The following KLF13 variants were observed in gnomAD, a reference collection of about 807,000 sequenced individuals.
The protein encoded by KLF13 is KLF transcription factor 13.
Under a neutral mutation model 16.7 loss-of-function variants are expected in KLF13, and 8 were observed. The observed-to-expected ratio is 0.48, with a 90% CI of 0.28 to 0.87. The LOEUF is 0.87. Among genes scored for constraint, KLF13 ranks in the 40% least tolerant of loss-of-function variants. KLF13 has a pLI of 0.10. For missense variants in KLF13, 447 were observed against 452.2 expected, an observed-to-expected ratio of 0.99 and a Z score of 0.10; for synonymous variants, 245 against 208.4, an observed-to-expected ratio of 1.18 and a Z score of -1.51.
intron 1 of KLF13, among the ~76,000 whole-genome samples, chr15:31,410,245 TATAAATA>T (rs755272242): frequency 6.6e-6 from 1 of 151,796 alleles, no homozygotes; most frequent in Non-Finnish European, 1.5e-5. Context: ...AAAGAAGAGT[TATAAATA>T]ATAAGGCAAT....
exon 3 of KLF13, chr15:31,403,801 A>G (rs991946443): frequency 6.6e-6 from 1 of 152,204 alleles, no homozygotes. Context: ...ACCCATAGTC[A>G]GAGATAGTCC....
intron 1 of KLF13, among the ~76,000 whole-genome samples, chr15:31,349,502 C>G (rs115396514): frequency 7.0e-4 from 107 of 152,356 alleles, no homozygotes; most frequent in African/African-American, 2.5e-3. Flanking sequence ...TGCACTGACC[C>G]TTAACATGAG....
chr15:31,418,738 C>T (rs533607029), intron 1 of KLF13, among the ~76,000 whole-genome samples: 1 of 152,218 alleles, frequency 6.6e-6, no homozygotes, highest in East Asian at 1.9e-4. Flanking sequence ...GCTACCATGG[C>T]TTTCCTAGCA....
intron 2 of KLF13, among the ~76,000 whole-genome samples, chr15:31,401,427 G>A (rs1382960392): frequency 6.6e-6 from 1 of 152,206 alleles, no homozygotes; most frequent in Non-Finnish European, 1.5e-5. Context: ...CTTGAGTCAG[G>A]GCAAGGCACG....
chr15:31,399,899 C>T (rs1289025349), intron 2 of KLF13, among the ~76,000 whole-genome samples: 3 of 152,260 alleles, frequency 2.0e-5, no homozygotes, highest in African/African-American at 4.8e-5. Flanking sequence ...ACCTTGGTGC[C>T]TTTTGCTTTC....
intron 1 of KLF13, among the ~76,000 whole-genome samples, chr15:31,363,075 A>G (rs369247081): frequency 4.6e-5 from 7 of 152,320 alleles, no homozygotes; most frequent in Non-Finnish European, 8.8e-5. Context: ...AAGGGTGTGC[A>G]CATTTCTAAT....
chr15:31,405,041 G>C (rs1330357459), downstream of KLF13, among the ~76,000 whole-genome samples: 4 of 152,222 alleles, frequency 2.6e-5, no homozygotes, highest in East Asian at 1.9e-4. Context: ...ATGGAACCAT[G>C]TGCCCCTGAA....
intron 1 of KLF13, among the ~76,000 whole-genome samples, chr15:31,329,011 G>A (rs564575236): frequency 2.6e-5 from 4 of 152,262 alleles, no homozygotes; most frequent in African/African-American, 9.6e-5. Context: ...ATACCCTAGA[G>A]CTGAAGGCCC....
rs527477336 is a variant in KLF13, at chr15:31,358,094, G to A, written c.578-13916G>A. The stretch of plus-strand genomic sequence containing the variant: ...GAGATGAGGGTAAGGTAAGCACTAG[G>A]TAGGGGGCGGCTGAGAGTTGTCCAG... On this transcript the variant is annotated intron_variant, in intron 1 of 1. Transcript: ENST00000307145. 7.2e-5 allele frequency among the ~76,000 whole-genome samples: 11 copies of A among 152,290 alleles called. No individual in the cohort carries two copies. The South Asian group carries it at 2.3e-3, about 32-fold the overall frequency.
chr15:31,401,264 T>C (rs1477282600), intron 2 of KLF13, among the ~76,000 whole-genome samples: 1 of 152,214 alleles, frequency 6.6e-6, no homozygotes, highest in Admixed American at 6.5e-5. Context: ...CCTCCCAAAG[T>C]GCTGGGCCTA....
intron 1 of KLF13, among the ~76,000 whole-genome samples, chr15:31,370,137 AT>A (rs998714681): frequency 2.5e-5 from 3 of 119,012 alleles, no homozygotes; most frequent in African/African-American, 1.0e-4. Flanking sequence ...TTCTCACTTG[AT>A]TGTAATTGTC....
Position 31,372,041 on chromosome 15 carries a change from C to T in KLF13, c.609C>T (p.Asp203=), listed in dbSNP as rs2039562334. ...GGCCCTTCGCCTGCAGCTGGCAGGA[C>T]TGCAACAAGAAGTTCGCGCGCTCCG... ...GERPFACSWQ[D]CNKKFARSDE... The change falls in exon 2 of 2, where the codon GAC becomes GAT. Residue 203 remains aspartate, a synonymous_variant. Coordinates refer to ENST00000307145, the MANE Select transcript of KLF13 (RefSeq NM_015995.4). 1 of 1,610,560 alleles carries T rather than the reference C, an allele frequency of 6.2e-7. No individual in the cohort carries two copies. The highest frequency in any genetic ancestry group is 2.2e-5 in the East Asian group (1 of 44,812).
chr15:31,423,098 TAC>T (rs1415234295), intron 1 of KLF13, among the ~76,000 whole-genome samples: 3 of 139,440 alleles, frequency 2.2e-5, no homozygotes, highest in Non-Finnish European at 3.1e-5. Context: ...TACGTATATA[TAC>T]GTATACGTAT....
At chr15:31,367,081 C>T (rs1304738596) in intron 1 of KLF13, among the ~76,000 whole-genome samples, 4 of 152,210 alleles carry the variant, frequency 2.6e-5, no homozygotes, top group Non-Finnish European at 4.4e-5. Context: ...GGGCTCCCTG[C>T]GGATCATGTG....
At chr15:31,402,869 A>G (rs532036335) in intron 2 of KLF13, among the ~76,000 whole-genome samples, 127 of 97,102 alleles carry the variant, frequency 1.3e-3, no homozygotes, top group African/African-American at 3.8e-3. Flanking sequence ...TGGGGAAAAA[A>G]AAAACAACTT....
rs188875687 is a variant in KLF13 at position 31,334,978 on chromosome 15, C to T, written c.577+7189C>T. On this transcript the variant is annotated intron_variant, in intron 1 of 1. Transcript: ENST00000307145. ...AACTTGTTTTACTCTTGGCATCAATCGGGCACTGGGCACAGAAGAAATCCT... is the reference window on the plus strand; with the variant it reads ...AACTTGTTTTACTCTTGGCATCAATTGGGCACTGGGCACAGAAGAAATCCT... Among the ~76,000 whole-genome samples the T allele has an allele frequency of 4.5e-3, 691 of 152,276 alleles. 3 individuals are homozygous for T. The highest frequency in any genetic ancestry group is 7.6e-3 in the Non-Finnish European group (520 of 68,018).
In KLF13 at chr15:31,376,994, A is replaced by T. The variant is rs1294634130; in HGVS notation, c.*4695A>T. 5 of 21,126 alleles carry T rather than the reference A, an allele frequency of 2.4e-4. No homozygotes were observed. The East Asian group carries it at 4.3e-3, about 18-fold the overall frequency. 1.3% of individuals were successfully genotyped at this position (21,126 alleles called of 1,614,324 possible). A position where few individuals can be genotyped will look rare whatever the true frequency, so the allele number is the denominator to read the frequency against. ...GGGTGGGGGGTGGAGGCAGGAAGTC[A>T]TGGGGGTGGGGGTGGGAGCACGGGA... On this transcript the variant is annotated 3_prime_UTR_variant, in exon 2 of 2. Coordinates refer to ENST00000307145, the MANE Select transcript of KLF13 (RefSeq NM_015995.4).
intron 1 of KLF13, among the ~76,000 whole-genome samples, chr15:31,344,715 A>C (rs1240665217): frequency 2.0e-5 from 3 of 151,280 alleles, no homozygotes; most frequent in African/African-American, 7.4e-5. Context: ...ACAGATTTTT[A>C]TTCTAAACCT....
intron 1 of KLF13, among the ~76,000 whole-genome samples, chr15:31,328,845 G>C (rs948004443): frequency 6.6e-6 from 1 of 152,144 alleles, no homozygotes; most frequent in Non-Finnish European, 1.5e-5. Flanking sequence ...CTGAGCTCAC[G>C]TGAGTTCTTC....
Sources: gnomAD v4.1 joint callset for allele counts (sites outside exome capture counted in the v4.1 genomes callset) on GRCh38, gnomAD v4.1.1 for gene constraint, MANE v1.5 for transcripts, NCBI Gene and HGNC (gene_info 2026-07-23, HGNC 2026-07-21) for gene names.